The following AP1G1 variants were observed in gnomAD, a reference collection of about 807,000 sequenced individuals.
The protein encoded by AP1G1 is adaptor related protein complex 1 subunit gamma 1.
A neutral mutation model predicts 108.3 loss-of-function variants in AP1G1; 7 were observed. The ratio of observed to expected loss-of-function variants is 0.06; its 90% CI spans 0.04 to 0.12. The LOEUF (loss-of-function observed/expected upper bound fraction) is 0.12, where lower values mean the gene tolerates loss of function less well. Among genes scored for constraint, AP1G1 ranks in the 10% least tolerant of loss-of-function variants. The probability of loss-of-function intolerance (pLI) is 1.00; values close to 1 mark genes in which losing one functional copy is unlikely to be tolerated. For synonymous variants in AP1G1, 379 were observed against 353.5 expected, an observed-to-expected ratio of 1.07 and a Z score of -0.81; for missense variants, 756 against 1,010.7, an observed-to-expected ratio of 0.75 and a Z score of 3.42.
At chr16:71,768,978 CAAAAAAAAAA>C (rs59451625) in intron 6 of AP1G1, among the ~76,000 whole-genome samples, 8 of 65,018 alleles carry the variant, frequency 1.2e-4, no homozygotes, top group Non-Finnish European at 1.8e-4. Flanking sequence ...AAAAAAAATA[CAAAAAAAAAA>C]AAAAAAAAAA....
chr16:71,759,908 A>G (rs1199609912), intron 10 of AP1G1, among the ~76,000 whole-genome samples: 3 of 152,052 alleles, frequency 2.0e-5, no homozygotes, highest in African/African-American at 7.2e-5. Context: ...CCAAAATGCA[A>G]TTTTACTTTT....
chr16:71,805,038 G>A (rs2032949999), intron 1 of AP1G1, among the ~76,000 whole-genome samples: 1 of 151,464 alleles, frequency 6.6e-6, no homozygotes, highest in Non-Finnish European at 1.5e-5. Context: ...AAATAAAATT[G>A]CTTGTTACTT....
intron 1 of AP1G1, among the ~76,000 whole-genome samples, chr16:71,807,530 G>A (rs970626758): frequency 6.6e-6 from 1 of 152,222 alleles, no homozygotes; most frequent in Non-Finnish European, 1.5e-5. Flanking sequence ...CGAGTACTTA[G>A]AGGGTTCATA....
intron 1 of AP1G1, among the ~76,000 whole-genome samples, chr16:71,805,000 G>C (rs2032948496): frequency 6.6e-6 from 1 of 152,094 alleles, no homozygotes; most frequent in Non-Finnish European, 1.5e-5. Context: ...GAAAGAGTGA[G>C]AACCTGTCTC....
rs1266176209 is a variant in AP1G1 at position 71,731,853 on chromosome 16, A to C, written c.*1205T>G. ...TATGGAAGCTACAAGGCTTCACTCC[A>C]ACACCATAAAGTACAATATGGAAAG... On this transcript the variant is annotated 3_prime_UTR_variant, in exon 23 of 23. Coordinates refer to ENST00000299980, the MANE Select transcript of AP1G1 (RefSeq NM_001128.6). 6.5e-6 allele frequency: 1 copy of C among 152,690 alleles called. No individual in the cohort carries two copies. Among genetic ancestry groups the C allele is most frequent in the East Asian group, 1.9e-4 (1 of 5,202 alleles). 9.5% of individuals were successfully genotyped at this position (152,690 alleles called of 1,614,324 possible).
At chr16:71,777,791 T>C (rs78053652) in intron 2 of AP1G1, 13,762 of 424,316 alleles carry the variant, frequency 0.032, 342 homozygotes, top group Non-Finnish European at 0.043. Flanking sequence ...CTTCAGGTCC[T>C]TGGTGCCCAA....
chr16:71,742,171 A>C (rs929440571), intron 19 of AP1G1: 1 of 152,184 alleles, frequency 6.6e-6, no homozygotes, highest in Non-Finnish European at 1.5e-5. Context: ...TAGGAAAACA[A>C]GACAGTAGGA....
At chr16:71,756,388 C>A (rs888664219) in intron 11 of AP1G1, 12 of 402,258 alleles carry the variant, frequency 3.0e-5, no homozygotes, top group Non-Finnish European at 4.8e-5. Context: ...TTCAAAAGTC[C>A]CTACGAGATA....
At chr16:71,777,865 G>A (rs773056137) in intron 2 of AP1G1, 31 of 303,688 alleles carry the variant, frequency 1.0e-4, no homozygotes, top group African/African-American at 2.2e-4. Context: ...CAGGCAGCTA[G>A]GGTCCCAGGG....
chr16:71,781,068 T>C (rs1469633436), intron 2 of AP1G1, among the ~76,000 whole-genome samples: 1 of 152,204 alleles, frequency 6.6e-6, no homozygotes, highest in African/African-American at 2.4e-5. Flanking sequence ...TCCTTCTGCC[T>C]TGGCCTCCCA....
intron 2 of AP1G1, among the ~76,000 whole-genome samples, chr16:71,787,512 A>G (rs1386009624): frequency 6.6e-6 from 1 of 152,156 alleles, no homozygotes; most frequent in Non-Finnish European, 1.5e-5. Flanking sequence ...ATATGCTCTT[A>G]AAGAACTTCC....
At chr16:71,749,122 TGGTCTGGCTAAC>T (rs1315731884) in intron 15 of AP1G1, among the ~76,000 whole-genome samples, 9 of 152,028 alleles carry the variant, frequency 5.9e-5, no homozygotes, top group African/African-American at 2.2e-4. Flanking sequence ...TTAGCCAGGA[TGGTCTGGCTAAC>T]CACCCTGCAG....
At chr16:71,803,061 AAAAAGTAGCC>A (rs2032864068) in intron 1 of AP1G1, among the ~76,000 whole-genome samples, 2 of 151,860 alleles carry the variant, frequency 1.3e-5, no homozygotes, top group South Asian at 4.2e-4. Context: ...CTAAAAATAC[AAAAAGTAGCC>A]AGGTACAGTG....
chr16:71,774,655 G>GT, intron 2 of AP1G1, 63 bp from the exon 3 acceptor site: 1 of 1,515,522 alleles, frequency 6.6e-7, no homozygotes, highest in South Asian at 1.3e-5. Flanking sequence ...TAGAAAAGCA[G>GT]TGTTTTTAAC....
At chr16:71,789,919 T>C (rs989271949) in intron 1 of AP1G1, among the ~76,000 whole-genome samples, 1 of 152,100 alleles carries the variant, frequency 6.6e-6, no homozygotes, top group Admixed American at 6.6e-5. Context: ...ATGGTCACAA[T>C]CATAGCTCAA....
intron 21 of AP1G1, 115 bp from the exon 22 acceptor site, chr16:71,734,822 C>T (rs1215451014): frequency 1.3e-6 from 1 of 792,272 alleles, no homozygotes; most frequent in Non-Finnish European, 2.1e-6. Context: ...TTCACTACTA[C>T]TAAGTTTTGC....
rs368118561 is a variant in AP1G1 at position 71,771,148 on chromosome 16, T to A, written c.565+8A>T. 1.3e-6 allele frequency: 2 copies of A among 1,545,022 alleles called. No homozygotes were observed. The highest frequency in any genetic ancestry group is 2.7e-5 in the African/African-American group (2 of 73,368). ...CAATACTTCATGAATACATCCAAAT[T>A]ACATTACCATGGTTCTTCTCATTCA... On this transcript the variant is annotated splice_region_variant and intron_variant, in intron 5 of 22. Transcript: ENST00000299980.
chr16:71,784,018 C>A lies in AP1G1; in HGVS notation c.201+5261G>T, dbSNP rs139086528. Among the ~76,000 whole-genome samples, 526 of 152,216 alleles carry A rather than the reference C, an allele frequency of 3.5e-3. 8 individuals carry two copies. Among genetic ancestry groups the A allele is most frequent in the Admixed American group, 0.024 (374 of 15,272 alleles). Reference sequence around the variant, plus strand: ...AAAGGTTACACACACTACAGGAAATCTATCACCACTTTTGTTATAAAAATG... The same window carrying A: ...AAAGGTTACACACACTACAGGAAATATATCACCACTTTTGTTATAAAAATG... On this transcript the variant is annotated intron_variant, in intron 2 of 22. Coordinates refer to ENST00000299980, the MANE Select transcript of AP1G1 (RefSeq NM_001128.6).
intron 21 of AP1G1, 105 bp downstream of exon 21, chr16:71,738,837 A>G: frequency 1.9e-6 from 2 of 1,073,666 alleles, no homozygotes; most frequent in South Asian, 1.7e-5. Context: ...TAAGTCTACA[A>G]ATTTAATCTG....
Sources: gnomAD v4.1 joint callset for allele counts (sites outside exome capture counted in the v4.1 genomes callset) on GRCh38, gnomAD v4.1.1 for gene constraint, MANE v1.5 for transcripts, NCBI Gene and HGNC (gene_info 2026-07-23, HGNC 2026-07-21) for gene names.